ALX4: variants seen among roughly 807,000 people sequenced by gnomAD.
ALX4 encodes homeobox protein aristaless-like 4.
Under a neutral mutation model 40.6 loss-of-function variants are expected in ALX4, and 22 were observed. The ratio of observed to expected loss-of-function variants is 0.54; its 90% CI spans 0.39 to 0.77. The LOEUF (loss-of-function observed/expected upper bound fraction) is 0.77. Among genes scored for constraint, ALX4 ranks in the 30% least tolerant of loss-of-function variants. The pLI is 0.00. For missense variants in ALX4, 556 were observed against 564.8 expected (o/e 0.98, Z 0.16); for synonymous variants, 266 against 240.5 (o/e 1.11, Z -0.98).
At chr11:44,265,380 C>T (rs868299230) in intron 3 of ALX4, among the ~76,000 whole-genome samples, 197 bp from the exon 4 acceptor site, 1 of 152,140 alleles carries the variant, frequency 6.6e-6, no homozygotes, top group African/African-American at 2.4e-5. Context: ...TTCCCAGGGC[C>T]AGGCTAGCAG....
chr11:44,279,979 T>G (rs929945380), intron 1 of ALX4, among the ~76,000 whole-genome samples: 2 of 152,214 alleles, frequency 1.3e-5, no homozygotes, highest in Non-Finnish European at 2.9e-5. Context: ...TGTCCAGGTA[T>G]CTGTGTGCAC....
At chr11:44,277,907 T>C (rs1037242435) in intron 1 of ALX4, among the ~76,000 whole-genome samples, 2 of 152,182 alleles carry the variant, frequency 1.3e-5, no homozygotes, top group African/African-American at 2.4e-5. Flanking sequence ...CAGACAGCCA[T>C]GGCTTCAGTG....
rs530279215 is a variant in ALX4, at chr11:44,272,873, T to C, written c.777+2475A>G. On this transcript the variant is annotated intron_variant, in intron 2 of 3. Coordinates refer to ENST00000652299, the MANE Select transcript of ALX4 (RefSeq NM_021926.4). ...CAGGGAACTTACAGCAACTCAACCG[T>C]GCAGCTCTTCAGCATCACTTCTGGT... Among the ~76,000 whole-genome samples the C allele has an allele frequency of 2.3e-4, 35 of 152,270 alleles. No individual in the cohort carries two copies. The East Asian group carries it at 6.2e-3, about 27-fold the overall frequency.
rs35228227 is a variant in ALX4, at chr11:44,272,502, T to TA, written c.777+2845dup. 4.7e-4 allele frequency among the ~76,000 whole-genome samples: 68 copies of TA among 144,988 alleles called. 1 individual carries two copies. The highest frequency in any genetic ancestry group is 3.4e-4 in the Admixed American group (5 of 14,628). The stretch of plus-strand genomic sequence containing the variant: ...CTGGGCGACAGAACAAGACTCTGTC[T>TA]AAAAAAAAAAAAGGCAGTCTGGGCT... On this transcript the variant is annotated intron_variant, in intron 2 of 3. Coordinates refer to ENST00000652299, the MANE Select transcript of ALX4 (RefSeq NM_021926.4).
rs1252764114 is a variant in ALX4 at position 44,263,208 on chromosome 11, GC to G, written c.*1645del. The stretch of plus-strand genomic sequence containing the variant: ...CACGACCCTGAGCATAGTGGGCCTG[GC>G]CCTACTCCATGACAGGAATCAAGGG... On this transcript the variant is annotated 3_prime_UTR_variant, in exon 4 of 4. Transcript: ENST00000652299. The G allele has an allele frequency of 6.6e-6, 1 of 152,266 alleles. No individual in the cohort carries two copies. The highest frequency in any genetic ancestry group is 1.9e-4 in the East Asian group (1 of 5,194). The allele number at this position is 152,266 out of a possible 1,614,324, so 9.4% of individuals were successfully genotyped here. A position where few individuals can be genotyped will look rare whatever the true frequency, so the allele number is the denominator to read the frequency against.
intron 2 of ALX4, among the ~76,000 whole-genome samples, chr11:44,269,149 C>T (rs899972487): frequency 1.3e-5 from 2 of 152,222 alleles, no homozygotes; most frequent in East Asian, 1.9e-4. Flanking sequence ...GAGGTGTGGA[C>T]GTGCTTCCTC....
intron 1 of ALX4, among the ~76,000 whole-genome samples, chr11:44,307,151 T>A (rs1311290483): frequency 9.7e-6 from 1 of 103,478 alleles, no homozygotes; most frequent in Non-Finnish European, 1.9e-5. Context: ...TAGATAGGGA[T>A]GGAAATGTGG....
chr11:44,270,753 G>C (rs909681016), intron 2 of ALX4, among the ~76,000 whole-genome samples: 1 of 152,196 alleles, frequency 6.6e-6, no homozygotes, highest in Non-Finnish European at 1.5e-5. Flanking sequence ...CTCCCGGTCT[G>C]AATGTCATAC....
At chr11:44,289,928 T>G (rs922210655) in intron 1 of ALX4, among the ~76,000 whole-genome samples, 1 of 152,162 alleles carries the variant, frequency 6.6e-6, no homozygotes, top group Non-Finnish European at 1.5e-5. Flanking sequence ...GAGTCTCCCA[T>G]GCTCTCCCCT....
chr11:44,266,719 G>A (rs1387684538), intron 3 of ALX4, among the ~76,000 whole-genome samples: 2 of 152,124 alleles, frequency 1.3e-5, no homozygotes, highest in African/African-American at 4.8e-5. Flanking sequence ...GTCAGGAGAG[G>A]ACTTGGACTT....
chr11:44,280,339 G>C (rs561250872), intron 1 of ALX4, among the ~76,000 whole-genome samples: 1 of 152,342 alleles, frequency 6.6e-6, no homozygotes, highest in South Asian at 2.1e-4. Flanking sequence ...CACCCACCCT[G>C]CCACCACACT....
intron 1 of ALX4, among the ~76,000 whole-genome samples, chr11:44,282,081 A>G (rs1030312588): frequency 2.0e-5 from 3 of 152,226 alleles, no homozygotes; most frequent in East Asian, 1.9e-4. Flanking sequence ...AGTGTAATCA[A>G]TGTGTTCTGG....
At chr11:44,272,020 C>T (rs1956251037) in intron 2 of ALX4, among the ~76,000 whole-genome samples, 1 of 152,224 alleles carries the variant, frequency 6.6e-6, no homozygotes. Flanking sequence ...GTGGGTCCTC[C>T]CCAATCCATT....
At chr11:44,277,617 C>G (rs1956285298) in intron 1 of ALX4, among the ~76,000 whole-genome samples, 1 of 152,222 alleles carries the variant, frequency 6.6e-6, no homozygotes, top group Non-Finnish European at 1.5e-5. Flanking sequence ...TAGTCCAGGT[C>G]TTCTGACTCC....
intron 1 of ALX4, among the ~76,000 whole-genome samples, chr11:44,286,888 T>C (rs1956341637): frequency 6.6e-6 from 1 of 152,192 alleles, no homozygotes; most frequent in African/African-American, 2.4e-5. Flanking sequence ...AGACCTGGGC[T>C]CTTTTTCATT....
At chr11:44,294,494 GTGC>G (rs935796199) in intron 1 of ALX4, among the ~76,000 whole-genome samples, 24 of 152,248 alleles carry the variant, frequency 1.6e-4, no homozygotes, top group Admixed American at 2.6e-4. Context: ...TGTGTACGAG[GTGC>G]AGCAGCCTAT....
intron 3 of ALX4, 149 bp from the exon 4 acceptor site, chr11:44,265,332 AC>A: frequency 1.3e-6 from 1 of 798,222 alleles, no homozygotes; most frequent in East Asian, 2.7e-5. Flanking sequence ...ACATCCAGAT[AC>A]CCCTGTGGGG....
At chr11:44,279,183 C>G (rs1336115181) in intron 1 of ALX4, among the ~76,000 whole-genome samples, 1 of 152,200 alleles carries the variant, frequency 6.6e-6, no homozygotes. Context: ...AGCAGAACTA[C>G]TCATCTTTAG....
chr11:44,301,263 T>C (rs555844117), intron 1 of ALX4, among the ~76,000 whole-genome samples: 66 of 152,200 alleles, frequency 4.3e-4, no homozygotes, highest in African/African-American at 1.5e-3. Context: ...CCATGACCCA[T>C]TGTGTGTGTG....
Sources: allele counts gnomAD v4.1 joint callset (sites outside exome capture counted in the v4.1 genomes callset), GRCh38; gene constraint gnomAD v4.1.1; transcripts MANE v1.5; gene names NCBI Gene and HGNC (gene_info 2026-07-23, HGNC 2026-07-21).